The following XKR9 variants were observed in gnomAD, a reference collection of about 807,000 sequenced individuals.
XKR9 encodes XK-related protein 9.
A neutral mutation model predicts 32.0 loss-of-function variants in XKR9; 32 were observed. That is an observed-to-expected ratio of 1.00 (90% CI 0.76 to 1.34). XKR9 has a LOEUF of 1.34. XKR9 is among the 40% of genes most tolerant of loss of function. XKR9 has a pLI of 0.00. For synonymous variants in XKR9, 168 were observed against 143.4 expected, an observed-to-expected ratio of 1.17 and a Z score of -1.22; for missense variants, 546 against 429.7, an observed-to-expected ratio of 1.27 and a Z score of -2.39.
At chr8:70,956,662 TC>T in the XKR9 span, among the ~76,000 whole-genome samples, 1 of 151,908 alleles carries the variant, frequency 6.6e-6, no homozygotes, top group Non-Finnish European at 1.5e-5. Flanking sequence ...CCAGCCCCCC[TC>T]CCGTGCCTGT....
At chr8:70,758,655 C>T (rs907529664) in intron 2 of XKR9, among the ~76,000 whole-genome samples, 2 of 152,168 alleles carry the variant, frequency 1.3e-5, no homozygotes, top group Non-Finnish European at 1.5e-5. Flanking sequence ...ACAATGGCAA[C>T]GTTTTTGTCG....
chr8:70,922,298 G>A, the XKR9 span, among the ~76,000 whole-genome samples: 4 of 152,154 alleles, frequency 2.6e-5, no homozygotes, highest in Non-Finnish European at 5.9e-5. Flanking sequence ...ACATTTAGAA[G>A]CGCCACTCAA....
intron 2 of XKR9, among the ~76,000 whole-genome samples, chr8:70,756,953 C>A (rs1487267165): frequency 6.6e-6 from 1 of 152,132 alleles, no homozygotes; most frequent in Non-Finnish European, 1.5e-5. Flanking sequence ...AGTCTTGCAC[C>A]ACTAACTATG....
At chr8:70,848,008 C>T in the XKR9 span, among the ~76,000 whole-genome samples, 1 of 151,988 alleles carries the variant, frequency 6.6e-6, no homozygotes, top group South Asian at 2.1e-4. Flanking sequence ...GACAAGAACA[C>T]ACAAAAAAAG....
the XKR9 span, among the ~76,000 whole-genome samples, chr8:70,821,646 G>C: frequency 6.6e-6 from 1 of 152,170 alleles, no homozygotes; most frequent in Admixed American, 6.5e-5. Flanking sequence ...CTTGACTTTT[G>C]CGTGCCTTCA....
the XKR9 span, among the ~76,000 whole-genome samples, chr8:70,879,865 G>A: frequency 5.3e-4 from 80 of 152,158 alleles, no homozygotes; most frequent in East Asian, 5.2e-3. Flanking sequence ...ACGTTGATGC[G>A]AAAATCCTCA....
the XKR9 span, among the ~76,000 whole-genome samples, chr8:70,972,468 T>C: frequency 6.6e-6 from 1 of 152,128 alleles, no homozygotes; most frequent in African/African-American, 2.4e-5. Context: ...TTTTCTCATG[T>C]CTGAGTGCTT....
the XKR9 span, among the ~76,000 whole-genome samples, chr8:70,919,523 T>G: frequency 6.6e-6 from 1 of 152,088 alleles, no homozygotes; most frequent in African/African-American, 2.4e-5. Context: ...TCCAGTAGGG[T>G]ATTGCTCTAG....
rs1375841926 is a variant in XKR9 at position 70,734,424 on chromosome 8, A to G, written c.1122A>G (p.Ter374=). ...ECRMRYFLME[*] is the part of the protein sequence containing the mutation. Reference sequence around the variant, plus strand: ...GAATGAGATATTTCCTAATGGAATAAGCTATTCATTTATGATATATATTTT... The same window carrying G: ...GAATGAGATATTTCCTAATGGAATAGGCTATTCATTTATGATATATATTTT... The change falls in exon 5 of 5, where the codon TAA becomes TAG. Residue 374 remains the stop codon, a stop_retained_variant. Coordinates refer to ENST00000408926, the MANE Select transcript of XKR9 (RefSeq NM_001011720.2). 4 of 1,546,326 alleles carry G rather than the reference A, an allele frequency of 2.6e-6. No homozygotes were observed. In the South Asian group the frequency reaches 5.0e-5, roughly 19 times the overall value.
the XKR9 span, among the ~76,000 whole-genome samples, chr8:71,042,732 C>A: frequency 6.6e-6 from 1 of 152,034 alleles, no homozygotes; most frequent in Admixed American, 6.6e-5. Context: ...TTTATGTGGA[C>A]CACACTAAAA....
the XKR9 span, among the ~76,000 whole-genome samples, chr8:71,035,032 TTTG>T: frequency 6.6e-6 from 1 of 152,314 alleles, no homozygotes; most frequent in African/African-American, 2.4e-5. Context: ...GGATAAACAG[TTTG>T]TTATTATTCT....
At chr8:70,742,020 T>G (rs1311902943) in intron 2 of XKR9, among the ~76,000 whole-genome samples, 1 of 152,150 alleles carries the variant, frequency 6.6e-6, no homozygotes, top group African/African-American at 2.4e-5. Flanking sequence ...ATGATATTTC[T>G]TTGTAGTTTT....
At chr8:70,685,942 TAAG>T (rs1487656965) in intron 3 of XKR9, among the ~76,000 whole-genome samples, 1 of 151,518 alleles carries the variant, frequency 6.6e-6, no homozygotes, top group African/African-American at 2.4e-5. Flanking sequence ...CAATTAAAAA[TAAG>T]AAAAATAAGT....
the XKR9 span, among the ~76,000 whole-genome samples, chr8:70,962,738 A>G: frequency 1.3e-5 from 2 of 152,142 alleles, no homozygotes; most frequent in Non-Finnish European, 2.9e-5. Flanking sequence ...TTTTTGGTAA[A>G]GTCACACACA....
At chr8:70,899,953 T>C in the XKR9 span, among the ~76,000 whole-genome samples, 12 of 152,168 alleles carry the variant, frequency 7.9e-5, no homozygotes, top group Non-Finnish European at 1.6e-4. Flanking sequence ...GAATAATGAT[T>C]CAAAAAAGAT....
At chr8:70,885,786 T>A in the XKR9 span, among the ~76,000 whole-genome samples, 1 of 152,048 alleles carries the variant, frequency 6.6e-6, no homozygotes, top group African/African-American at 2.4e-5. Flanking sequence ...TTAGTAGAGA[T>A]GGGGTTTCAC....
chr8:70,906,748 T>C, the XKR9 span, among the ~76,000 whole-genome samples: 8 of 152,230 alleles, frequency 5.3e-5, no homozygotes, highest in African/African-American at 1.4e-4. Context: ...AATAAATGTG[T>C]TCCTTTTATG....
chr8:70,944,768 G>A, the XKR9 span, among the ~76,000 whole-genome samples: 9 of 152,198 alleles, frequency 5.9e-5, no homozygotes, highest in Admixed American at 5.9e-4. Flanking sequence ...GTTTAATGGA[G>A]AAGATCATAC....
the XKR9 span, among the ~76,000 whole-genome samples, chr8:71,050,258 T>TAG: frequency 6.8e-3 from 730 of 106,582 alleles, 7 homozygotes; most frequent in African/African-American, 0.015. Context: ...TATATATATA[T>TAG]ATAGATAGAT....
Sources: allele counts gnomAD v4.1 joint callset (sites outside exome capture counted in the v4.1 genomes callset), GRCh38; gene constraint gnomAD v4.1.1; transcripts MANE v1.5; gene names NCBI Gene and HGNC (gene_info 2026-07-23, HGNC 2026-07-21).